Variants in PLXNA4 observed in about 807,000 individuals in gnomAD.
PLXNA4 encodes plexin-A4.
In PLXNA4, 44 loss-of-function variants were observed where a neutral mutation model predicts 191.8. That is an observed-to-expected ratio of 0.23 (90% CI 0.18 to 0.29). PLXNA4 has a LOEUF of 0.29. Ranked by LOEUF, PLXNA4 falls within the 10% of genes least tolerant of loss-of-function variation. PLXNA4 has a pLI of 1.00. For missense variants in PLXNA4, 1,800 were observed against 2,488.8 expected (o/e 0.72, Z 5.89); for synonymous variants, 1,082 against 1,009.5 (o/e 1.07, Z -1.36).
rs1025459675 is a variant in PLXNA4, at chr7:132,163,406, C to T, written c.4500+736G>A. Among the ~76,000 whole-genome samples, 10 of 152,316 alleles carry T rather than the reference C, an allele frequency of 6.6e-5. No individual in the cohort carries two copies. In the East Asian group the frequency reaches 7.7e-4, roughly 12 times the overall value. On this transcript the variant is annotated intron_variant, in intron 24 of 31. Transcript: ENST00000321063. Reference sequence around the variant, plus strand: ...CAACTATGATTATCCCCACTTTAGTCGGTTCTGTTGGTGTTCTCATTTTTT... The same window carrying T: ...CAACTATGATTATCCCCACTTTAGTTGGTTCTGTTGGTGTTCTCATTTTTT...
intron 3 of PLXNA4, among the ~76,000 whole-genome samples, chr7:132,378,067 A>T (rs185776713): frequency 1.5e-4 from 23 of 151,984 alleles, no homozygotes; most frequent in Non-Finnish European, 3.2e-4. Context: ...CACCCACCCC[A>T]CCCAACCATC....
Position 132,543,292 on chromosome 7 carries a change from T to C in PLXNA4, c.-87+33130A>G, listed in dbSNP as rs139068035. 5.3e-5 allele frequency among the ~76,000 whole-genome samples: 8 copies of C among 152,316 alleles called. No individual in the cohort carries two copies. In the East Asian group the frequency reaches 1.3e-3, roughly 26 times the overall value. On this transcript the variant is annotated intron_variant, in intron 1 of 31. Coordinates refer to ENST00000321063, the MANE Select transcript of PLXNA4 (RefSeq NM_020911.2). ...GTAGTTCCAACCCAAAATGTTCCCA[T>C]GCTTAATAGGCCCTGGACTCCAGCT...
chr7:132,434,384 T>C (rs1395803761), intron 3 of PLXNA4, among the ~76,000 whole-genome samples: 1 of 152,150 alleles, frequency 6.6e-6, no homozygotes, highest in African/African-American at 2.4e-5. Flanking sequence ...CTGCCCAGGG[T>C]GGGAGGCAAG....
chr7:132,225,623 C>G lies in PLXNA4; in HGVS notation c.1982+538G>C, dbSNP rs565771480. On this transcript the variant is annotated intron_variant, in intron 8 of 31. Transcript: ENST00000321063. ...ACCCCTAAGCCAGAGTCCGCCCCCC[C>G]CCACAGCTTTCTGCCTCCCTCTGGC... 1.0e-3 allele frequency among the ~76,000 whole-genome samples: 157 copies of G among 151,450 alleles called. 1 individual carries two copies. In the East Asian group the frequency reaches 0.022, roughly 22 times the overall value.
intron 3 of PLXNA4, among the ~76,000 whole-genome samples, chr7:132,310,683 C>T (rs1801694411): frequency 6.6e-6 from 1 of 152,198 alleles, no homozygotes; most frequent in South Asian, 2.1e-4. Flanking sequence ...TCTGCAATTT[C>T]CTTGACAAAT....
At chr7:132,348,010 A>G (rs1585019976) in intron 3 of PLXNA4, among the ~76,000 whole-genome samples, 1 of 152,200 alleles carries the variant, frequency 6.6e-6, no homozygotes, top group East Asian at 1.9e-4. Flanking sequence ...GGAGGAAAAC[A>G]TTCCATTTGC....
intron 1 of PLXNA4, among the ~76,000 whole-genome samples, chr7:132,540,641 G>A (rs1246234366): frequency 7.6e-6 from 1 of 131,676 alleles, no homozygotes; most frequent in Non-Finnish European, 1.6e-5. Context: ...ACTGCGGACT[G>A]CAGTGGCGCA....
chr7:132,133,201 TG>T lies in PLXNA4; in HGVS notation c.5439-3del. 1 of 1,613,836 alleles carries T rather than the reference TG, an allele frequency of 6.2e-7. No homozygotes were observed. The highest frequency in any genetic ancestry group is 8.5e-7 in the Non-Finnish European group (1 of 1,179,880). ...ATCTTCCCTATGTCTGAGTAATACC[TG>T]TGGAGGGATGGAAATAGGGAGAAGC... On this transcript the variant is annotated splice_polypyrimidine_tract_variant and splice_region_variant and intron_variant, in intron 30 of 31. Coordinates refer to ENST00000321063, the MANE Select transcript of PLXNA4 (RefSeq NM_020911.2).
At chr7:132,527,489 A>G (rs1481422280) in intron 1 of PLXNA4, among the ~76,000 whole-genome samples, 2 of 147,684 alleles carry the variant, frequency 1.4e-5, no homozygotes, top group Non-Finnish European at 3.0e-5. Context: ...TTTTCCCAGG[A>G]AACTACAGTG....
At chr7:132,235,027 T>G (rs748423506) in intron 5 of PLXNA4, among the ~76,000 whole-genome samples, 4 of 152,212 alleles carry the variant, frequency 2.6e-5, no homozygotes, top group Non-Finnish European at 5.9e-5. Context: ...TGCAATCAGC[T>G]TGTGTGTCAT....
intron 2 of PLXNA4, among the ~76,000 whole-genome samples, chr7:132,624,379 G>C (rs908759220): frequency 6.6e-6 from 1 of 152,170 alleles, no homozygotes; most frequent in African/African-American, 2.4e-5. Flanking sequence ...TAGCTCCCAT[G>C]GCTACAGGTT....
chr7:132,179,530 CACAG>C (rs1263729558), intron 20 of PLXNA4, among the ~76,000 whole-genome samples, 153 bp downstream of exon 20: 3 of 151,216 alleles, frequency 2.0e-5, no homozygotes, highest in African/African-American at 4.9e-5. Flanking sequence ...CACACATTCG[CACAG>C]ACACACACAC....
At chr7:132,332,668 G>A (rs2116702192) in intron 3 of PLXNA4, among the ~76,000 whole-genome samples, 1 of 151,738 alleles carries the variant, frequency 6.6e-6, no homozygotes, top group South Asian at 2.1e-4. Flanking sequence ...GGGCAACATA[G>A]TGAGACCCCA....
chr7:132,388,264 G>A (rs1438676092), intron 3 of PLXNA4, among the ~76,000 whole-genome samples: 1 of 151,924 alleles, frequency 6.6e-6, no homozygotes, highest in Non-Finnish European at 1.5e-5. Context: ...CTGTCACTTC[G>A]ATCCGACTTC....
At chr7:132,296,269 C>T (rs1274547176) in intron 4 of PLXNA4, among the ~76,000 whole-genome samples, 2 of 152,112 alleles carry the variant, frequency 1.3e-5, no homozygotes, top group African/African-American at 4.8e-5. Context: ...CCTGAATGGA[C>T]AGTGACCACA....
intron 1 of PLXNA4, among the ~76,000 whole-genome samples, chr7:132,563,540 C>T (rs1389447049): frequency 1.7e-5 from 2 of 114,806 alleles, no homozygotes; most frequent in Non-Finnish European, 3.7e-5. Context: ...TCTTTCTCCT[C>T]CTCCTCCTTC....
At position 132,536,326 on chromosome 7, in the gene PLXNA4, A is replaced by T. The variant is rs192306488; in HGVS notation, c.-86-27547T>A. On this transcript the variant is annotated intron_variant, in intron 1 of 31. Coordinates refer to ENST00000321063, the MANE Select transcript of PLXNA4 (RefSeq NM_020911.2). ...ATAAGTGACTAATTTTTATCCTTTT[A>T]TCCTAGTCTTGATCCTTGCAACAGA... Among the ~76,000 whole-genome samples, 18 of 152,236 alleles carry T rather than the reference A, an allele frequency of 1.2e-4. No individual in the cohort carries two copies. In the East Asian group the frequency reaches 2.3e-3, roughly 20 times the overall value.
At chr7:132,589,048 A>G (rs1203445436) in intron 2 of PLXNA4, among the ~76,000 whole-genome samples, 2 of 152,248 alleles carry the variant, frequency 1.3e-5, no homozygotes, top group African/African-American at 4.8e-5. Flanking sequence ...ATATGCCAAC[A>G]GGATATTTTA....
chr7:132,433,965 T>C (rs1795370715), intron 3 of PLXNA4, among the ~76,000 whole-genome samples: 2 of 152,178 alleles, frequency 1.3e-5, no homozygotes, highest in African/African-American at 4.8e-5. Context: ...TCCCTAGAGA[T>C]GGATGAACCA....
Sources: gnomAD v4.1 joint callset for allele counts (sites outside exome capture counted in the v4.1 genomes callset) on GRCh38, gnomAD v4.1.1 for gene constraint, MANE v1.5 for transcripts, NCBI Gene and HGNC (gene_info 2026-07-23, HGNC 2026-07-21) for gene names.